The following LOC128706665 variants were observed in gnomAD, a reference collection of about 807,000 sequenced individuals.
the LOC128706665 span, among the ~76,000 whole-genome samples, chr20:10,427,081 A>ACACAC: frequency 1.2e-5 from 1 of 85,700 alleles, no homozygotes. Context: ...CACACACACA[A>ACACAC]AGTAAGGTTA....
At chr20:10,428,710 G>GCA in the LOC128706665 span, among the ~76,000 whole-genome samples, 1 of 152,124 alleles carries the variant, frequency 6.6e-6, no homozygotes, top group South Asian at 2.1e-4. Flanking sequence ...TGTGGTGGGT[G>GCA]CACCTGTAAT....
At chr20:10,421,247 C>T in the LOC128706665 span, among the ~76,000 whole-genome samples, 1 of 151,874 alleles carries the variant, frequency 6.6e-6, no homozygotes, top group East Asian at 1.9e-4. Flanking sequence ...CTAGCCAACA[C>T]AGTGAAACAT....
the LOC128706665 span, among the ~76,000 whole-genome samples, chr20:10,429,673 T>G: frequency 1.3e-5 from 2 of 152,196 alleles, no homozygotes; most frequent in Non-Finnish European, 2.9e-5. Context: ...ATGCTCCTCA[T>G]CAACTCACTC....
At chr20:10,416,721 G>T in the LOC128706665 span, among the ~76,000 whole-genome samples, 1 of 152,202 alleles carries the variant, frequency 6.6e-6, no homozygotes, top group Non-Finnish European at 1.5e-5. Context: ...AGGAATGATA[G>T]AATTTGAGCA....
At chr20:10,420,096 T>C in the LOC128706665 span, among the ~76,000 whole-genome samples, 3 of 152,292 alleles carry the variant, frequency 2.0e-5, no homozygotes, top group South Asian at 6.2e-4. Context: ...TTTATTTCAG[T>C]GACTCTCAAA....
the LOC128706665 span, among the ~76,000 whole-genome samples, chr20:10,414,651 T>G: frequency 6.6e-6 from 1 of 152,228 alleles, no homozygotes; most frequent in Non-Finnish European, 1.5e-5. Context: ...AATTGTGGTT[T>G]GCTTGGAAAC....
chr20:10,429,855 C>T, the LOC128706665 span, among the ~76,000 whole-genome samples: 2 of 152,286 alleles, frequency 1.3e-5, no homozygotes, highest in East Asian at 1.9e-4. Flanking sequence ...ACTAGAAATG[C>T]AAATTATCAA....
At chr20:10,415,987 GA>G in the LOC128706665 span, among the ~76,000 whole-genome samples, 2 of 149,142 alleles carry the variant, frequency 1.3e-5, 1 homozygote, top group Non-Finnish European at 3.0e-5. Context: ...AGAGAAAAGA[GA>G]AAAAAAAACC....
the LOC128706665 span, among the ~76,000 whole-genome samples, chr20:10,421,463 G>C: frequency 1.3e-5 from 2 of 148,736 alleles, no homozygotes; most frequent in Non-Finnish European, 3.0e-5. Flanking sequence ...TTTAACAGAA[G>C]AATCAAACGG....
the LOC128706665 span, among the ~76,000 whole-genome samples, chr20:10,433,816 C>CAG: frequency 6.6e-6 from 1 of 152,156 alleles, no homozygotes; most frequent in African/African-American, 2.4e-5. Flanking sequence ...GGCGGCAGCG[C>CAG]AGGTGGGAGC....
chr20:10,430,138 A>G, the LOC128706665 span, among the ~76,000 whole-genome samples: 2 of 152,374 alleles, frequency 1.3e-5, no homozygotes, highest in South Asian at 4.1e-4. Context: ...TTCTTAGTAC[A>G]GCAGAAAGAA....
the LOC128706665 span, among the ~76,000 whole-genome samples, chr20:10,428,287 G>C: frequency 0.016 from 2,459 of 152,232 alleles, 39 homozygotes; most frequent in South Asian, 0.026. Context: ...AGGGGAGTAG[G>C]TATCATGCAG....
the LOC128706665 span, among the ~76,000 whole-genome samples, chr20:10,430,373 T>A: frequency 6.6e-6 from 1 of 152,206 alleles, no homozygotes; most frequent in Non-Finnish European, 1.5e-5. Flanking sequence ...ATGTGAATAA[T>A]AACATCCATA....
chr20:10,415,543 GAA>G, the LOC128706665 span, among the ~76,000 whole-genome samples: 2 of 152,124 alleles, frequency 1.3e-5, no homozygotes, highest in Non-Finnish European at 2.9e-5. Context: ...CATGAGGAGG[GAA>G]AGAAAAATCT....
the LOC128706665 span, among the ~76,000 whole-genome samples, chr20:10,428,281 G>T: frequency 6.6e-6 from 1 of 152,294 alleles, no homozygotes; most frequent in South Asian, 2.1e-4. Flanking sequence ...GAGGAGAGGG[G>T]AGTAGGTATC....
chr20:10,431,227 T>C, the LOC128706665 span, among the ~76,000 whole-genome samples: 4 of 152,270 alleles, frequency 2.6e-5, no homozygotes, highest in African/African-American at 7.2e-5. Flanking sequence ...ATCGAATATT[T>C]TGACTAAAAT....
chr20:10,424,588 A>G, the LOC128706665 span, among the ~76,000 whole-genome samples: 1 of 152,210 alleles, frequency 6.6e-6, no homozygotes, highest in Non-Finnish European at 1.5e-5. Flanking sequence ...TTTACAAAAA[A>G]AAAAATAGTT....
At chr20:10,419,983 G>A in the LOC128706665 span, among the ~76,000 whole-genome samples, 1 of 152,174 alleles carries the variant, frequency 6.6e-6, no homozygotes, top group African/African-American at 2.4e-5. Context: ...ATCAAGTTTT[G>A]CTGTCAAAGG....
the LOC128706665 span, among the ~76,000 whole-genome samples, chr20:10,428,875 C>G: frequency 1.3e-5 from 2 of 152,002 alleles, no homozygotes; most frequent in African/African-American, 4.8e-5. Context: ...AACTCCTTGC[C>G]TGCTGTCAGA....
Sources: gnomAD v4.1 joint callset for allele counts (sites outside exome capture counted in the v4.1 genomes callset) on GRCh38, gnomAD v4.1.1 for gene constraint, MANE v1.5 for transcripts.